Variants in EBF1 observed in about 807,000 individuals in gnomAD.
The protein encoded by EBF1 is EBF transcription factor 1.
A neutral mutation model predicts 68.4 loss-of-function variants in EBF1; 10 were observed. The ratio of observed to expected loss-of-function variants is 0.15; its 90% CI spans 0.09 to 0.25. EBF1 has a LOEUF of 0.25. Among genes scored for constraint, EBF1 ranks in the 10% least tolerant of loss-of-function variants. The probability of loss-of-function intolerance (pLI) is 1.00; values close to 1 mark genes in which losing one functional copy is unlikely to be tolerated. For synonymous variants in EBF1, 298 were observed against 299.8 expected, an observed-to-expected ratio of 0.99 and a Z score of 0.06; for missense variants, 509 against 794.4, an observed-to-expected ratio of 0.64 and a Z score of 4.32.
intron 6 of EBF1, among the ~76,000 whole-genome samples, chr5:158,893,189 G>A (rs1024977789): frequency 6.6e-6 from 1 of 152,154 alleles, no homozygotes; most frequent in Non-Finnish European, 1.5e-5. Flanking sequence ...TGAATGGCTT[G>A]CTCAACCATC....
intron 6 of EBF1, among the ~76,000 whole-genome samples, chr5:159,005,985 T>C (rs140770410): frequency 6.6e-6 from 1 of 152,338 alleles, no homozygotes; most frequent in African/African-American, 2.4e-5. Flanking sequence ...TGTTTTGCTA[T>C]GGCAAATTCA....
intron 6 of EBF1, among the ~76,000 whole-genome samples, chr5:158,900,561 G>A (rs1179008564): frequency 6.6e-6 from 1 of 152,184 alleles, no homozygotes; most frequent in African/African-American, 2.4e-5. Context: ...GCTACCACCT[G>A]TTTCCCACTG....
At chr5:158,923,833 A>C (rs866454179) in intron 6 of EBF1, among the ~76,000 whole-genome samples, 6 of 152,182 alleles carry the variant, frequency 3.9e-5, no homozygotes, top group Middle Eastern at 3.2e-3. Context: ...CTAGTGATGG[A>C]CCAGTCAAAA....
chr5:158,756,542 G>A (rs185775911), intron 10 of EBF1, among the ~76,000 whole-genome samples: 5 of 151,896 alleles, frequency 3.3e-5, no homozygotes, highest in Admixed American at 1.3e-4. Flanking sequence ...AAGTATAAAC[G>A]TAATGGTTTT....
intron 6 of EBF1, among the ~76,000 whole-genome samples, chr5:158,906,612 C>G (rs982158253): frequency 6.6e-6 from 1 of 152,138 alleles, no homozygotes; most frequent in Admixed American, 6.5e-5. Flanking sequence ...AATTTTGACA[C>G]CACCTCTGTG....
Position 158,820,982 on chromosome 5 carries a change from T to C in EBF1, c.778+2194A>G, listed in dbSNP as rs565124588. 2.8e-4 allele frequency among the ~76,000 whole-genome samples: 42 copies of C among 152,272 alleles called. 1 individual carries two copies. Among genetic ancestry groups the C allele is most frequent in the African/African-American group, 7.2e-4 (30 of 41,558 alleles). On this transcript the variant is annotated intron_variant, in intron 8 of 15. Coordinates refer to ENST00000313708, the MANE Select transcript of EBF1 (RefSeq NM_024007.5). ...GTAATTAGTTACCAACAATTAAAAA[T>C]TCACTGTTGCCAAACTGGAACATCT...
At chr5:159,039,963 T>G (rs1427519641) in intron 6 of EBF1, among the ~76,000 whole-genome samples, 1 of 152,216 alleles carries the variant, frequency 6.6e-6, no homozygotes, top group African/African-American at 2.4e-5. Flanking sequence ...ATCCTAAATT[T>G]TATGCGTAAA....
chr5:158,969,924 A>G (rs63721460), intron 6 of EBF1, among the ~76,000 whole-genome samples: 10,014 of 114,182 alleles, frequency 0.088, 890 homozygotes, highest in Non-Finnish European at 0.11. Context: ...AAGAAAAAAA[A>G]AAAAAAGGCT....
chr5:158,905,739 G>A (rs573786939), intron 6 of EBF1, among the ~76,000 whole-genome samples: 2 of 152,046 alleles, frequency 1.3e-5, no homozygotes, highest in African/African-American at 4.8e-5. Flanking sequence ...ATGCATCACC[G>A]AAGCTGGGGC....
intron 6 of EBF1, among the ~76,000 whole-genome samples, chr5:158,895,618 T>TA (rs1802024054): frequency 6.6e-6 from 1 of 152,162 alleles, no homozygotes; most frequent in Non-Finnish European, 1.5e-5. Context: ...ATGCTATCAT[T>TA]CTACTGGGAC....
intron 6 of EBF1, among the ~76,000 whole-genome samples, chr5:159,021,576 G>A (rs757922424): frequency 3.9e-5 from 6 of 152,186 alleles, no homozygotes; most frequent in Non-Finnish European, 8.8e-5. Flanking sequence ...GTGAGCACAC[G>A]TGCGTGTGTA....
chr5:159,030,412 C>T (rs986667477), intron 6 of EBF1, among the ~76,000 whole-genome samples: 1 of 152,072 alleles, frequency 6.6e-6, no homozygotes, highest in African/African-American at 2.4e-5. Flanking sequence ...AAGAAATACT[C>T]CACAAATATT....
At chr5:158,981,736 C>T (rs577743832) in intron 6 of EBF1, among the ~76,000 whole-genome samples, 4 of 152,222 alleles carry the variant, frequency 2.6e-5, no homozygotes, top group Admixed American at 2.6e-4. Context: ...AATCCACAAG[C>T]TCCTAACAAA....
At chr5:158,731,939 T>C (rs1764173151) in intron 10 of EBF1, among the ~76,000 whole-genome samples, 1 of 152,128 alleles carries the variant, frequency 6.6e-6, no homozygotes, top group African/African-American at 2.4e-5. Context: ...CTTTAAAGCA[T>C]CCTTAAATTA....
chr5:159,021,584 GTATA>G (rs1029229779), intron 6 of EBF1, among the ~76,000 whole-genome samples: 2 of 152,196 alleles, frequency 1.3e-5, no homozygotes, highest in African/African-American at 4.8e-5. Context: ...ACGTGCGTGT[GTATA>G]TAAAGACAAG....
At chr5:159,079,016 A>G (rs1779288084) in intron 5 of EBF1, among the ~76,000 whole-genome samples, 5 of 152,228 alleles carry the variant, frequency 3.3e-5, no homozygotes, top group Admixed American at 3.3e-4. Context: ...ACTTGTAAAA[A>G]ACAAGATGCC....
intron 6 of EBF1, among the ~76,000 whole-genome samples, chr5:158,989,669 A>T (rs949512607): frequency 6.6e-6 from 1 of 152,158 alleles, no homozygotes; most frequent in African/African-American, 2.4e-5. Flanking sequence ...AGCAGTAATG[A>T]CTTCAAAACT....
intron 6 of EBF1, among the ~76,000 whole-genome samples, chr5:158,952,145 T>C (rs1816151496): frequency 6.6e-6 from 1 of 152,126 alleles, no homozygotes; most frequent in Admixed American, 6.5e-5. Flanking sequence ...GTAGAAGGTG[T>C]TGCCGATTAA....
intron 6 of EBF1, among the ~76,000 whole-genome samples, chr5:159,001,460 T>C (rs556177772): frequency 6.6e-6 from 1 of 152,254 alleles, no homozygotes; most frequent in East Asian, 1.9e-4. Flanking sequence ...AAATTATGAC[T>C]CAACCATTCA....
Sources: gnomAD v4.1 joint callset for allele counts (sites outside exome capture counted in the v4.1 genomes callset) on GRCh38, gnomAD v4.1.1 for gene constraint, MANE v1.5 for transcripts, NCBI Gene and HGNC (gene_info 2026-07-23, HGNC 2026-07-21) for gene names.